The following PCNX1 variants were observed in gnomAD, a reference collection of about 807,000 sequenced individuals.
The protein encoded by PCNX1 is pecanex 1.
PCNX1 carries 78 observed loss-of-function variants against 242.2 expected under a neutral mutation model. That is an observed-to-expected ratio of 0.32 (90% confidence interval 0.27 to 0.39). The LOEUF is 0.39. Ranked by LOEUF, PCNX1 falls within the 10% of genes least tolerant of loss-of-function variation. The pLI, the probability that PCNX1 is intolerant of heterozygous loss-of-function variation, is 1.00. For synonymous variants in PCNX1, 1,024 were observed against 1,032.9 expected (o/e 0.99, Z 0.17); for missense variants, 2,581 against 2,856.5 (o/e 0.90, Z 2.20).
intron 6 of PCNX1, among the ~76,000 whole-genome samples, chr14:70,985,246 C>G (rs1566660357): frequency 6.6e-6 from 1 of 152,106 alleles, no homozygotes; most frequent in South Asian, 2.1e-4. Flanking sequence ...TGGAGTTTCA[C>G]TCTTGTTGCC....
chr14:70,907,672 T>G lies in PCNX1; in HGVS notation c.-179T>G. ...TCCTCTCGGGTCTCCTCCTCCTCGT[T>G]TGCTGCCTCCTCCTCCTCCTGCAGC... is the stretch of plus-strand genomic sequence containing the variant. On this transcript the variant is annotated 5_prime_UTR_variant, in exon 1 of 36. Coordinates refer to ENST00000304743, the MANE Select transcript of PCNX1 (RefSeq NM_014982.3). 1.5e-6 allele frequency: 1 copy of G among 668,696 alleles called. No individual in the cohort carries two copies. The highest frequency in any genetic ancestry group is 7.0e-5 in the South Asian group (1 of 14,296). 41.4% of individuals were successfully genotyped at this position (668,696 alleles called of 1,614,324 possible). A position where few individuals can be genotyped will look rare whatever the true frequency, so the allele number is the denominator to read the frequency against.
At chr14:70,930,293 A>G (rs1419401054) in intron 1 of PCNX1, among the ~76,000 whole-genome samples, 2 of 152,106 alleles carry the variant, frequency 1.3e-5, no homozygotes, top group Non-Finnish European at 2.9e-5. Flanking sequence ...CTACAGGCGA[A>G]TGTCACTGTA....
chr14:71,074,323 C>T (rs1049858009), intron 27 of PCNX1, among the ~76,000 whole-genome samples: 5 of 152,186 alleles, frequency 3.3e-5, no homozygotes, highest in Non-Finnish European at 4.4e-5. Flanking sequence ...ACCACCCTCA[C>T]TTCTGACATC....
chr14:71,082,758 G>T (rs1444219758), intron 28 of PCNX1, among the ~76,000 whole-genome samples: 1 of 152,012 alleles, frequency 6.6e-6, no homozygotes, highest in Non-Finnish European at 1.5e-5. Flanking sequence ...ACATGAGATG[G>T]ATCTCCTGAA....
rs151013247 is a variant in PCNX1, at chr14:70,924,181, G to A, written c.153+16178G>A. Among the ~76,000 whole-genome samples, 351 of 146,534 alleles carry A rather than the reference G, an allele frequency of 2.4e-3. 1 individual carries two copies. The highest frequency in any genetic ancestry group is 3.8e-3 in the African/African-American group (150 of 39,536). ...TGGGAGGTCAAGACTATAGTGAGCC[G>A]AGATTGTGCCACTGCACTCCAGCCT... On this transcript the variant is annotated intron_variant, in intron 1 of 35. Coordinates refer to ENST00000304743, the MANE Select transcript of PCNX1 (RefSeq NM_014982.3).
chr14:71,012,961 C>G lies in PCNX1; in HGVS notation c.2779-24C>G, dbSNP rs749105993. On this transcript the variant is annotated intron_variant, in intron 10 of 35. Coordinates refer to ENST00000304743, the MANE Select transcript of PCNX1 (RefSeq NM_014982.3). Reference sequence around the variant, plus strand: ...AATAAATATTGAAGATATTTTAAGCCTTTCAATGCTGACTTTCTTTTAGCT... The same window carrying G: ...AATAAATATTGAAGATATTTTAAGCGTTTCAATGCTGACTTTCTTTTAGCT... 4.8e-6 allele frequency: 7 copies of G among 1,453,012 alleles called. No individual in the cohort carries two copies. In the African/African-American group the frequency reaches 9.8e-5, roughly 20 times the overall value. The allele number at this position is 1,453,012 out of a possible 1,614,324, so 90.0% of individuals were successfully genotyped here. A position where few individuals can be genotyped will look rare whatever the true frequency, so the allele number is the denominator to read the frequency against.
intron 26 of PCNX1, among the ~76,000 whole-genome samples, chr14:71,067,117 C>G (rs950178628): frequency 4.0e-5 from 6 of 151,428 alleles, no homozygotes; most frequent in Non-Finnish European, 1.5e-5. Flanking sequence ...CAGGATGATG[C>G]TGGCCTCATA....
intron 19 of PCNX1, among the ~76,000 whole-genome samples, chr14:71,042,373 A>G (rs1259919233): frequency 3.3e-5 from 5 of 152,020 alleles, no homozygotes; most frequent in Admixed American, 3.3e-4. Flanking sequence ...GTATGTTTAT[A>G]ATTGTTATAC....
At chr14:71,032,145 C>T (rs1272604806) in intron 16 of PCNX1, among the ~76,000 whole-genome samples, 2 of 152,220 alleles carry the variant, frequency 1.3e-5, no homozygotes. Context: ...GACTTACTTT[C>T]TCTCACCCCA....
intron 8 of PCNX1, 129 bp downstream of exon 8, chr14:70,996,054 T>G: frequency 3.0e-6 from 2 of 670,556 alleles, no homozygotes; most frequent in South Asian, 1.9e-5. Context: ...TTACATAGGA[T>G]TTACCCTATG....
chr14:70,951,145 T>G (rs2057761012), intron 2 of PCNX1, among the ~76,000 whole-genome samples: 1 of 152,136 alleles, frequency 6.6e-6, no homozygotes, highest in South Asian at 2.1e-4. Flanking sequence ...CACCATTCAT[T>G]AAGTAACAAA....
intron 28 of PCNX1, among the ~76,000 whole-genome samples, chr14:71,081,574 ACTT>A (rs1398724531): frequency 1.3e-5 from 2 of 152,016 alleles, no homozygotes; most frequent in African/African-American, 2.4e-5. Context: ...CAGGGATTCG[ACTT>A]CTTCTTGGTT....
chr14:71,070,288 T>A (rs914179421), intron 26 of PCNX1, among the ~76,000 whole-genome samples: 1 of 152,192 alleles, frequency 6.6e-6, no homozygotes, highest in Non-Finnish European at 1.5e-5. Flanking sequence ...TGAATCAACT[T>A]ATTTCAAATT....
chr14:70,935,854 A>G (rs1483105059), intron 1 of PCNX1, among the ~76,000 whole-genome samples: 2 of 152,226 alleles, frequency 1.3e-5, no homozygotes, highest in Admixed American at 1.3e-4. Context: ...ATCATGGCTA[A>G]GTCATTAAAA....
chr14:70,987,554 T>G (rs1464872833), intron 6 of PCNX1, among the ~76,000 whole-genome samples: 1 of 152,198 alleles, frequency 6.6e-6, no homozygotes, highest in Admixed American at 6.5e-5. Flanking sequence ...AAAGAATGTT[T>G]CTGTGCTAAC....
At chr14:71,001,331 T>A (rs900430057) in intron 8 of PCNX1, among the ~76,000 whole-genome samples, 2 of 152,180 alleles carry the variant, frequency 1.3e-5, no homozygotes, top group Non-Finnish European at 2.9e-5. Context: ...TTTTGGGGCT[T>A]TGATATATAC....
intron 1 of PCNX1, among the ~76,000 whole-genome samples, chr14:70,922,704 G>A (rs1350266363): frequency 6.7e-6 from 1 of 150,098 alleles, no homozygotes; most frequent in South Asian, 2.1e-4. Flanking sequence ...CCATTTTAGA[G>A]TAATCCATTG....
At chr14:70,928,220 A>C (rs191814551) in intron 1 of PCNX1, among the ~76,000 whole-genome samples, 82 of 152,324 alleles carry the variant, frequency 5.4e-4, no homozygotes, top group African/African-American at 1.5e-3. Flanking sequence ...TTTGCTCATA[A>C]GGTAATCCCA....
intron 8 of PCNX1, among the ~76,000 whole-genome samples, chr14:71,004,987 A>G: frequency 6.6e-6 from 1 of 152,192 alleles, no homozygotes; most frequent in East Asian, 1.9e-4. Context: ...ACTTAAAAAA[A>G]GAGAAGTCAG....
Sources: allele counts gnomAD v4.1 joint callset (sites outside exome capture counted in the v4.1 genomes callset), GRCh38; gene constraint gnomAD v4.1.1; transcripts MANE v1.5; gene names NCBI Gene and HGNC (gene_info 2026-07-23, HGNC 2026-07-21).